Variants in CD9 observed in about 807,000 individuals in gnomAD.
CD9 encodes CD9 molecule, also known as CD9 antigen.
In CD9, 10 loss-of-function variants were observed where a neutral mutation model predicts 31.4. The ratio of observed to expected loss-of-function variants is 0.32; its 90% CI spans 0.20 to 0.54. The LOEUF (loss-of-function observed/expected upper bound fraction) is 0.54, where lower values mean the gene tolerates loss of function less well. Among genes scored for constraint, CD9 ranks in the 20% least tolerant of loss-of-function variants. CD9 has a pLI of 0.94. For missense variants in CD9, 259 were observed against 300.1 expected (o/e 0.86, Z 1.01); for synonymous variants, 113 against 114.1 (o/e 0.99, Z 0.06).
chr12:6,209,254 CG>C (rs1332580103), intron 1 of CD9, among the ~76,000 whole-genome samples: 5 of 152,214 alleles, frequency 3.3e-5, no homozygotes, highest in African/African-American at 4.8e-5. Context: ...GCCACCGCAC[CG>C]GGCTCGTCGT....
chr12:6,215,689 C>T (rs1946236434), intron 1 of CD9, among the ~76,000 whole-genome samples: 1 of 152,176 alleles, frequency 6.6e-6, no homozygotes, highest in South Asian at 2.1e-4. Flanking sequence ...CCTGACCAAC[C>T]AGTCATACCT....
At chr12:6,223,044 C>T (rs1047656131) in intron 1 of CD9, among the ~76,000 whole-genome samples, 1 of 152,208 alleles carries the variant, frequency 6.6e-6, no homozygotes, top group Admixed American at 6.5e-5. Flanking sequence ...CGCTATCTCC[C>T]TATGCGCGCA....
chr12:6,221,195 G>T (rs904801790), intron 1 of CD9, among the ~76,000 whole-genome samples: 1 of 152,212 alleles, frequency 6.6e-6, no homozygotes, highest in African/African-American at 2.4e-5. Context: ...CCCTCTCAAA[G>T]GGATGGAACC....
chr12:6,215,228 A>G (rs748760939), intron 1 of CD9, among the ~76,000 whole-genome samples: 1 of 152,162 alleles, frequency 6.6e-6, no homozygotes, highest in Non-Finnish European at 1.5e-5. Flanking sequence ...GCTCAGAGGA[A>G]GCTCACACCT....
At chr12:6,236,153 G>A (rs1364694954) in intron 6 of CD9, 39 bp from the exon 7 acceptor site, 2 of 1,612,058 alleles carry the variant, frequency 1.2e-6, no homozygotes, top group Admixed American at 3.3e-5. Flanking sequence ...CTGGGAGGAA[G>A]GATTGTGTGT....
At chr12:6,222,250 A>G (rs1403018752) in intron 1 of CD9, among the ~76,000 whole-genome samples, 1 of 152,208 alleles carries the variant, frequency 6.6e-6, no homozygotes, top group Admixed American at 6.5e-5. Context: ...TGGTTCACAT[A>G]GCATCCCCCC....
chr12:6,236,826 T>TC (rs11568271), intron 7 of CD9: 1 of 230,282 alleles, frequency 4.3e-6, no homozygotes, highest in Non-Finnish European at 8.3e-6. Flanking sequence ...CACTGAGTCT[T>TC]CCCCCACCCC....
chr12:6,233,006 G>C (rs771065358), intron 3 of CD9: 3 of 702,342 alleles, frequency 4.3e-6, no homozygotes, highest in South Asian at 3.0e-5. Flanking sequence ...GAATCCACAG[G>C]TACCTTTGCC....
intron 1 of CD9, among the ~76,000 whole-genome samples, chr12:6,213,466 T>C (rs1297136099): frequency 6.6e-6 from 1 of 152,226 alleles, no homozygotes; most frequent in African/African-American, 2.4e-5. Flanking sequence ...GAATGCCCCA[T>C]TGGCAGAGAC....
chr12:6,200,632 C>A, intron 1 of CD9, 67 bp downstream of exon 1: 1 of 1,137,660 alleles, frequency 8.8e-7, no homozygotes, highest in Non-Finnish European at 1.3e-6. Flanking sequence ...GGACACTGGC[C>A]GCGGCCGCGA....
chr12:6,235,790 C>T, intron 6 of CD9: 1 of 1,390,986 alleles, frequency 7.2e-7, no homozygotes, highest in Non-Finnish European at 9.3e-7. Context: ...TGGCACCGCC[C>T]ACTGCTGCCA....
intron 2 of CD9, among the ~76,000 whole-genome samples, chr12:6,228,571 A>AG (rs1946399314): frequency 6.6e-6 from 1 of 151,644 alleles, no homozygotes; most frequent in East Asian, 1.9e-4. Context: ...AAAAAAAAAA[A>AG]AAAAAAAAAA....
At chr12:6,200,368 C>T, upstream of CD9, 3 of 578,778 alleles carry the variant, frequency 5.2e-6, no homozygotes, top group Non-Finnish European at 6.4e-6. Context: ...AGGAGTGGCA[C>T]TTTTTAAAAG....
chr12:6,235,331 T>A lies in CD9; in HGVS notation c.447+4T>A. ...GCTGAAAGCCATCCACTATGCGGTATGTCGCCTTGGCAAAGACACCCTCCT... is the reference window on the plus strand; with the variant it reads ...GCTGAAAGCCATCCACTATGCGGTAAGTCGCCTTGGCAAAGACACCCTCCT... On this transcript the variant is annotated splice_donor_region_variant and intron_variant, in intron 5 of 7. Transcript: ENST00000009180. 1.2e-6 allele frequency: 2 copies of A among 1,614,244 alleles called. No individual in the cohort carries two copies. The highest frequency in any genetic ancestry group is 1.7e-6 in the Non-Finnish European group (2 of 1,180,036).
At chr12:6,220,720 T>G (rs1267984447) in intron 1 of CD9, among the ~76,000 whole-genome samples, 1 of 152,214 alleles carries the variant, frequency 6.6e-6, no homozygotes. Context: ...ATTATTGTTT[T>G]ATACACTTTG....
chr12:6,200,586 C>T, intron 1 of CD9, 21 bp downstream of exon 1: 1 of 1,577,884 alleles, frequency 6.3e-7, no homozygotes, highest in South Asian at 1.1e-5. Flanking sequence ...GCGACTGCCG[C>T]GCGCTCCTCT....
intron 1 of CD9, among the ~76,000 whole-genome samples, chr12:6,205,331 C>A (rs996760848): frequency 6.6e-6 from 1 of 152,218 alleles, no homozygotes; most frequent in Non-Finnish European, 1.5e-5. Flanking sequence ...TTCCTCTGCA[C>A]ACGCTCACAC....
At chr12:6,228,678 G>A (rs963469274) in intron 2 of CD9, among the ~76,000 whole-genome samples, 1 of 152,134 alleles carries the variant, frequency 6.6e-6, no homozygotes, top group Non-Finnish European at 1.5e-5. Flanking sequence ...ATGGGCAAAG[G>A]GCCAAGGAGG....
chr12:6,211,608 G>A (rs1268193212), intron 1 of CD9, among the ~76,000 whole-genome samples: 3 of 152,252 alleles, frequency 2.0e-5, no homozygotes, highest in Non-Finnish European at 4.4e-5. Context: ...TGGCTAGAGT[G>A]TGTCAGCAAG....
Sources: allele counts gnomAD v4.1 joint callset (sites outside exome capture counted in the v4.1 genomes callset), GRCh38; gene constraint gnomAD v4.1.1; transcripts MANE v1.5; gene names NCBI Gene and HGNC (gene_info 2026-07-23, HGNC 2026-07-21).